Variants in PGBD2 observed in about 807,000 individuals in gnomAD.
PGBD2 encodes the protein piggyBac transposable element-derived protein 2.
Under a neutral mutation model 8.1 loss-of-function variants are expected in PGBD2, and 6 were observed. The observed-to-expected ratio is 0.74, with a 90% CI of 0.40 to 1.46. PGBD2 has a LOEUF of 1.46. Among genes scored for constraint, PGBD2 ranks in the 40% most tolerant of loss-of-function variants. The probability of loss-of-function intolerance (pLI) is 0.02; values close to 1 mark genes in which losing one functional copy is unlikely to be tolerated. For synonymous variants in PGBD2, 318 were observed against 272.2 expected (o/e 1.17, Z -1.66); for missense variants, 802 against 739.0 (o/e 1.09, Z -0.99).
chr1:248,890,422 T>G, the PGBD2 span, among the ~76,000 whole-genome samples: 2 of 152,166 alleles, frequency 1.3e-5, no homozygotes, highest in African/African-American at 2.4e-5. Flanking sequence ...TGCAATGGGA[T>G]TAGGAATCTT....
the PGBD2 span, among the ~76,000 whole-genome samples, chr1:248,899,219 T>C: frequency 6.6e-6 from 1 of 152,270 alleles, no homozygotes; most frequent in African/African-American, 2.4e-5. Context: ...AACAAAAATA[T>C]TCAGGACCTG....
the PGBD2 span, among the ~76,000 whole-genome samples, chr1:248,883,551 C>T: frequency 1.5e-5 from 2 of 136,766 alleles, no homozygotes; most frequent in East Asian, 2.1e-4. Context: ...CCCAGCCTGT[C>T]TGTTCACTCT....
chr1:248,908,299 T>A (rs143938428), intron 1 of PGBD2, among the ~76,000 whole-genome samples: 1 of 152,296 alleles, frequency 6.6e-6, no homozygotes, highest in African/African-American at 2.4e-5. Flanking sequence ...TTTTTCTTTG[T>A]TGAGTGCCTG....
At chr1:248,891,537 A>G in the PGBD2 span, among the ~76,000 whole-genome samples, 1 of 152,234 alleles carries the variant, frequency 6.6e-6, no homozygotes, top group Admixed American at 6.5e-5. Flanking sequence ...TACTTTTAAG[A>G]AATATTTTTG....
At chr1:248,909,139 T>A (rs1338665184) in intron 1 of PGBD2, among the ~76,000 whole-genome samples, 1 of 152,194 alleles carries the variant, frequency 6.6e-6, no homozygotes. Flanking sequence ...TTGCTTGGTA[T>A]GTAGGAGCAC....
the PGBD2 span, among the ~76,000 whole-genome samples, chr1:248,885,374 T>C: frequency 6.6e-6 from 1 of 151,820 alleles, no homozygotes; most frequent in Non-Finnish European, 1.5e-5. Flanking sequence ...CTCCTAGCCT[T>C]AAGCTATCCT....
At chr1:248,920,984 TG>T (rs1457263711), downstream of PGBD2, among the ~76,000 whole-genome samples, 1 of 148,068 alleles carries the variant, frequency 6.8e-6, no homozygotes, top group African/African-American at 2.6e-5. Flanking sequence ...TACTTTTTGA[TG>T]GTTTTTTTTT....
Position 248,918,166 on chromosome 1 carries a change from A to G in PGBD2, c.1582A>G (p.Asn528Asp), listed in dbSNP as rs1272072989. Residue 528 changes from asparagine to aspartate, a missense_variant, in exon 3 of 3, where the codon AAT (asparagine) becomes GAT (aspartate). Coordinates refer to ENST00000329291, the MANE Select transcript of PGBD2 (RefSeq NM_170725.3). ...CATTGCCTGTGTGTATCTGGAGAGC[A>G]ATGCTGACACAACATCTCAAGGGAG... is the stretch of plus-strand genomic sequence containing the variant. Reference protein sequence around the residue: ...RYIACVYLESNADTTSQGRRS... With the variant: ...RYIACVYLESDADTTSQGRRS... The G allele has an allele frequency of 1.9e-6, 3 of 1,614,090 alleles. No homozygotes were observed. The African/African-American group carries it at 4.0e-5, about 22-fold the overall frequency.
chr1:248,883,371 C>T, the PGBD2 span, among the ~76,000 whole-genome samples: 1 of 152,176 alleles, frequency 6.6e-6, no homozygotes, highest in South Asian at 2.1e-4. Flanking sequence ...GATCCGCCGC[C>T]TCGGCCTCCC....
chr1:248,924,925 C>G (rs1662353773), downstream of PGBD2, among the ~76,000 whole-genome samples: 1 of 152,094 alleles, frequency 6.6e-6, no homozygotes, highest in African/African-American at 2.4e-5. Context: ...TTCTGGCAGG[C>G]ACTGGGAGCA....
chr1:248,908,281 C>T (rs989168224), intron 1 of PGBD2, among the ~76,000 whole-genome samples: 3 of 152,148 alleles, frequency 2.0e-5, no homozygotes, highest in Non-Finnish European at 2.9e-5. Context: ...GGTCTCACAC[C>T]AAGTTGCTTT....
At chr1:248,875,876 A>G in the PGBD2 span, among the ~76,000 whole-genome samples, 1 of 152,218 alleles carries the variant, frequency 6.6e-6, no homozygotes, top group Non-Finnish European at 1.5e-5. Flanking sequence ...ACAAATATTT[A>G]TAGAAATTTT....
chr1:248,908,437 C>G (rs940910614), intron 1 of PGBD2, among the ~76,000 whole-genome samples: 3 of 152,192 alleles, frequency 2.0e-5, no homozygotes, highest in Admixed American at 6.5e-5. Flanking sequence ...TGCCTGAAAT[C>G]TAGGAGGCTT....
the PGBD2 span, among the ~76,000 whole-genome samples, chr1:248,873,360 G>A: frequency 6.6e-6 from 1 of 152,228 alleles, no homozygotes; most frequent in African/African-American, 2.4e-5. Flanking sequence ...GTATCTGTGT[G>A]GTTTCGTGGA....
At chr1:248,884,247 A>C in the PGBD2 span, among the ~76,000 whole-genome samples, 1 of 152,202 alleles carries the variant, frequency 6.6e-6, no homozygotes, top group Non-Finnish European at 1.5e-5. Flanking sequence ...GGTTTATTCT[A>C]AGCCAATATA....
the PGBD2 span, among the ~76,000 whole-genome samples, chr1:248,899,596 TAA>T: frequency 2.6e-5 from 4 of 152,050 alleles, no homozygotes; most frequent in Admixed American, 2.6e-4. Context: ...AAAGCAGTGT[TAA>T]GAGGAAAATT....
intron 1 of PGBD2, among the ~76,000 whole-genome samples, chr1:248,913,277 A>G (rs1661975874): frequency 6.6e-6 from 1 of 152,026 alleles, no homozygotes; most frequent in African/African-American, 2.4e-5. Context: ...CCTTCCCTGC[A>G]CATAGTATCT....
At position 248,909,216 on chromosome 1, in the gene PGBD2, T is replaced by C. The variant is rs529696797; in HGVS notation, c.-48+2874T>C. Among the ~76,000 whole-genome samples the C allele has an allele frequency of 3.3e-5, 5 of 152,192 alleles. No homozygotes were observed. The East Asian group carries it at 9.6e-4, about 29-fold the overall frequency. ...GGGCAAGAAAGATGGAGGAGCCACA[T>C]GTGAGGGGATGGAGGGCCTGGGGAG... is the stretch of plus-strand genomic sequence containing the variant. On this transcript the variant is annotated intron_variant, in intron 1 of 2. Coordinates refer to ENST00000329291, the MANE Select transcript of PGBD2 (RefSeq NM_170725.3).
rs1398311491 is a variant in PGBD2 at position 248,918,089 on chromosome 1, A to G, written c.1505A>G (p.His502Arg). 1 of 1,614,134 alleles carries G rather than the reference A, an allele frequency of 6.2e-7. No individual in the cohort carries two copies. Among genetic ancestry groups the G allele is most frequent in the African/African-American group, 1.3e-5 (1 of 74,944 alleles). The change falls in exon 3 of 3, where the codon CAT becomes CGT. Residue 502 changes from histidine to arginine, a missense_variant. Transcript: ENST00000329291. ...GCCCTCAACAATGCATGGCAGCTGC[A>G]TAGAATCTGCTGCCAAGATGCCCAG... ...DAALNNAWQLHRICCQDAQVD... is the reference protein window; with the variant it reads ...DAALNNAWQLRRICCQDAQVD...
Sources: gnomAD v4.1 joint callset for allele counts (sites outside exome capture counted in the v4.1 genomes callset) on GRCh38, gnomAD v4.1.1 for gene constraint, MANE v1.5 for transcripts, NCBI Gene and HGNC (gene_info 2026-07-23, HGNC 2026-07-21) for gene names.